ZMAT4: variants seen among roughly 807,000 people sequenced by gnomAD.
ZMAT4 encodes the protein zinc finger matrin-type protein 4.
Under a neutral mutation model 28.7 loss-of-function variants are expected in ZMAT4, and 17 were observed. The ratio of observed to expected loss-of-function variants is 0.59; its 90% CI spans 0.41 to 0.89. The LOEUF is 0.89. Among genes scored for constraint, ZMAT4 ranks in the 40% least tolerant of loss-of-function variants. ZMAT4 has a pLI of 0.00. For missense variants in ZMAT4, 240 were observed against 283.8 expected (o/e 0.85, Z 1.11); for synonymous variants, 117 against 109.2 (o/e 1.07, Z -0.44).
chr8:40,541,996 A>C (rs1392068762), intron 6 of ZMAT4, among the ~76,000 whole-genome samples: 1 of 152,196 alleles, frequency 6.6e-6, no homozygotes, highest in Non-Finnish European at 1.5e-5. Context: ...GCAGAGTGGG[A>C]CTGAAGGATG....
intron 2 of ZMAT4, among the ~76,000 whole-genome samples, chr8:40,780,515 G>A (rs994045271): frequency 6.6e-6 from 1 of 152,052 alleles, no homozygotes; most frequent in African/African-American, 2.4e-5. Context: ...GTTTTAGTCC[G>A]GAGCACCGAC....
chr8:40,542,670 T>G, intron 6 of ZMAT4, among the ~76,000 whole-genome samples: 1 of 152,312 alleles, frequency 6.6e-6, no homozygotes, highest in East Asian at 1.9e-4. Context: ...ATTATACGCA[T>G]GAACCAGTGT....
At chr8:40,637,770 G>A (rs1019662466) in intron 5 of ZMAT4, among the ~76,000 whole-genome samples, 1 of 152,168 alleles carries the variant, frequency 6.6e-6, no homozygotes, top group Non-Finnish European at 1.5e-5. Context: ...ACTAAGCACT[G>A]ATCCCTAGGA....
intron 5 of ZMAT4, among the ~76,000 whole-genome samples, chr8:40,588,261 T>C (rs1343786842): frequency 6.6e-6 from 1 of 152,022 alleles, no homozygotes; most frequent in Non-Finnish European, 1.5e-5. Flanking sequence ...TATTGACTCT[T>C]ACAAAGTGAC....
chr8:40,659,065 A>G (rs891722256), intron 5 of ZMAT4, among the ~76,000 whole-genome samples: 9 of 152,152 alleles, frequency 5.9e-5, no homozygotes, highest in Non-Finnish European at 2.9e-5. Flanking sequence ...TTCGCATGGT[A>G]ACCACACTTG....
intron 6 of ZMAT4, among the ~76,000 whole-genome samples, chr8:40,572,001 G>C (rs1804114615): frequency 6.6e-6 from 1 of 152,108 alleles, no homozygotes; most frequent in Non-Finnish European, 1.5e-5. Flanking sequence ...AATATGTTTA[G>C]CTTTTGAAAT....
In ZMAT4 at chr8:40,885,571, C is replaced by T. The variant is rs535616530; in HGVS notation, c.-5+12112G>A. Among the ~76,000 whole-genome samples, 33 of 152,314 alleles carry T rather than the reference C, an allele frequency of 2.2e-4. 1 individual carries two copies. The South Asian group carries it at 3.5e-3, about 16-fold the overall frequency. On this transcript the variant is annotated intron_variant, in intron 1 of 6. Coordinates refer to ENST00000297737, the MANE Select transcript of ZMAT4 (RefSeq NM_024645.3). ...GACGAGTCTTGCTCTGTCACCCAGG[C>T]TGGAGTGCAGTGGCACAGTCATAGC...
intron 5 of ZMAT4, among the ~76,000 whole-genome samples, chr8:40,601,560 AAAG>A (rs1281108859): frequency 1.1e-3 from 154 of 134,248 alleles, no homozygotes; most frequent in Non-Finnish European, 1.6e-3. Context: ...AGAAAGAAAG[AAAG>A]AAGAAAGAAA....
intron 5 of ZMAT4, among the ~76,000 whole-genome samples, chr8:40,669,941 T>C (rs1323170711): frequency 6.6e-6 from 1 of 152,196 alleles, no homozygotes; most frequent in East Asian, 1.9e-4. Flanking sequence ...TGTTCATGGA[T>C]TGGAAGACTC....
intron 6 of ZMAT4, among the ~76,000 whole-genome samples, chr8:40,563,552 T>C (rs1017144722): frequency 2.0e-5 from 3 of 152,196 alleles, no homozygotes; most frequent in Non-Finnish European, 4.4e-5. Flanking sequence ...AGGTAACAGA[T>C]GCAATTCATC....
intron 5 of ZMAT4, among the ~76,000 whole-genome samples, chr8:40,619,862 A>G (rs1316621910): frequency 6.6e-6 from 1 of 152,188 alleles, no homozygotes; most frequent in African/African-American, 2.4e-5. Flanking sequence ...CACCATAAAG[A>G]GCCAAAATGC....
At chr8:40,826,688 G>A (rs1816060489) in intron 1 of ZMAT4, among the ~76,000 whole-genome samples, 1 of 152,080 alleles carries the variant, frequency 6.6e-6, no homozygotes, top group African/African-American at 2.4e-5. Flanking sequence ...TCCATTTAGG[G>A]TGGTTGAATT....
At chr8:40,669,510 C>A (rs1808581926) in intron 5 of ZMAT4, among the ~76,000 whole-genome samples, 1 of 151,782 alleles carries the variant, frequency 6.6e-6, no homozygotes, top group Non-Finnish European at 1.5e-5. Flanking sequence ...GTAGCAGAAC[C>A]AACCCCTCCT....
intron 4 of ZMAT4, among the ~76,000 whole-genome samples, chr8:40,686,583 G>T (rs1308811900): frequency 2.0e-5 from 3 of 152,058 alleles, no homozygotes; most frequent in Non-Finnish European, 4.4e-5. Flanking sequence ...AGCCGTGGTT[G>T]TGCCACTGCA....
At chr8:40,746,306 C>CTTTCCTTTCCTTTCCTTTCT (rs1812227250) in intron 3 of ZMAT4, among the ~76,000 whole-genome samples, 1 of 101,556 alleles carries the variant, frequency 9.8e-6, no homozygotes, top group Non-Finnish European at 1.9e-5. Flanking sequence ...TTCTCCCTTC[C>CTTTCCTTTCCTTTCCTTTCT]TTTCCTTTCC....
chr8:40,609,261 G>T (rs538465221), intron 5 of ZMAT4, among the ~76,000 whole-genome samples: 8 of 152,170 alleles, frequency 5.3e-5, no homozygotes, highest in South Asian at 2.1e-4. Flanking sequence ...ACTCTATAAA[G>T]TATGGGAAAA....
intron 2 of ZMAT4, among the ~76,000 whole-genome samples, chr8:40,796,198 C>T (rs139867215): frequency 3.3e-5 from 5 of 152,174 alleles, no homozygotes; most frequent in Admixed American, 6.5e-5. Flanking sequence ...GCATCCACAG[C>T]GCCCATGCAC....
chr8:40,641,541 TG>T (rs1436099289), intron 5 of ZMAT4, among the ~76,000 whole-genome samples: 1 of 152,214 alleles, frequency 6.6e-6, no homozygotes, highest in Non-Finnish European at 1.5e-5. Flanking sequence ...GAAGTAGGAT[TG>T]GCATACTAAA....
chr8:40,824,878 C>T (rs745669187), intron 2 of ZMAT4, among the ~76,000 whole-genome samples: 1 of 152,186 alleles, frequency 6.6e-6, no homozygotes, highest in Non-Finnish European at 1.5e-5. Flanking sequence ...TCTCTTTACT[C>T]AATCCACAGC....
Sources: allele counts gnomAD v4.1 joint callset (sites outside exome capture counted in the v4.1 genomes callset), GRCh38; gene constraint gnomAD v4.1.1; transcripts MANE v1.5; gene names NCBI Gene and HGNC (gene_info 2026-07-23, HGNC 2026-07-21).